The following GRAMD1A variants were observed in gnomAD, a reference collection of about 807,000 sequenced individuals.
GRAMD1A encodes the protein GRAM domain containing 1A.
A neutral mutation model predicts 92.0 loss-of-function variants in GRAMD1A; 50 were observed. The observed-to-expected ratio is 0.54, with a 90% CI of 0.43 to 0.69. The LOEUF (loss-of-function observed/expected upper bound fraction) is 0.69, where lower values mean the gene tolerates loss of function less well. GRAMD1A is among the 30% of genes least tolerant of loss of function. The pLI, the probability that GRAMD1A is intolerant of heterozygous loss-of-function variation, is 0.00. For missense variants in GRAMD1A, 819 were observed against 978.9 expected (o/e 0.84, Z 2.18); for synonymous variants, 405 against 403.6 (o/e 1.00, Z -0.04).
At chr19:35,022,980 C>A in intron 17 of GRAMD1A, 69 bp downstream of exon 17, 1 of 1,240,066 alleles carries the variant, frequency 8.1e-7, no homozygotes, top group South Asian at 1.3e-5. Context: ...CTCTTCTCCC[C>A]ACCCCATGCC....
intron 1 of GRAMD1A, among the ~76,000 whole-genome samples, chr19:35,003,230 C>T (rs984981034): frequency 7.9e-5 from 12 of 151,652 alleles, no homozygotes; most frequent in Non-Finnish European, 1.0e-4. Flanking sequence ...TAGGGAAATG[C>T]AGTTTACCCC....
At chr19:34,995,955 C>A, upstream of GRAMD1A, 4 of 1,349,970 alleles carry the variant, frequency 3.0e-6, no homozygotes, top group South Asian at 2.9e-5. Context: ...GGGGCTTAAG[C>A]GGGAGCTCTA....
rs777878476 is a variant in GRAMD1A, at chr19:35,021,860, C to G, written c.1749C>G (p.Thr583=). 7 of 1,604,170 alleles carry G rather than the reference C, an allele frequency of 4.4e-6. No homozygotes were observed. Among genetic ancestry groups the G allele is most frequent in the Non-Finnish European group, 5.1e-6 (6 of 1,174,448 alleles). Residue 583 remains threonine (T), a synonymous_variant, in exon 15 of 20, where the codon ACC becomes ACG. Transcript: ENST00000317991. The surrounding 1 kb of genome is among the most constrained non-coding windows in gnomAD (Gnocchi z 5.3). ...PDPCARAGIH[T]SGSLSSRFSE... Reference sequence around the variant, plus strand: ...CCTGTGCCCGGGCCGGCATTCACACCTCGGGTACGTTCCGTTGGGGCCGGG... The same window carrying G: ...CCTGTGCCCGGGCCGGCATTCACACGTCGGGTACGTTCCGTTGGGGCCGGG...
At chr19:35,009,021 A>G (rs1453644284) in intron 1 of GRAMD1A, 98 bp from the exon 2 acceptor site, 2 of 784,022 alleles carry the variant, frequency 2.6e-6, no homozygotes, top group African/African-American at 3.4e-5. Context: ...ATGGGTGTGT[A>G]TTCGGGGATC....
At chr19:35,024,731 T>C (rs1309949129) in intron 19 of GRAMD1A, among the ~76,000 whole-genome samples, 3 of 152,002 alleles carry the variant, frequency 2.0e-5, no homozygotes, top group Non-Finnish European at 4.4e-5. Flanking sequence ...GGGGAGGAGA[T>C]GAAGGCTGAG....
At chr19:35,004,689 G>A (rs905738826) in intron 1 of GRAMD1A, among the ~76,000 whole-genome samples, 1 of 152,132 alleles carries the variant, frequency 6.6e-6, no homozygotes, top group Non-Finnish European at 1.5e-5. Flanking sequence ...CTAACATCAG[G>A]CGTAGTGCTT....
At chr19:35,010,023 C>A in intron 4 of GRAMD1A, 51 bp downstream of exon 4, 1 of 1,530,406 alleles carries the variant, frequency 6.5e-7, no homozygotes, top group Non-Finnish European at 9.1e-7. Context: ...TGTGACTCTC[C>A]GCCAGCCCGC....
chr19:35,019,408 C>G lies in GRAMD1A; in HGVS notation c.1350C>G (p.Gly450=). The G allele has an allele frequency of 6.2e-7, 1 of 1,613,722 alleles. No homozygotes were observed. Among genetic ancestry groups the G allele is most frequent in the Non-Finnish European group, 8.5e-7 (1 of 1,179,796 alleles). Residue 450 remains glycine (G), a synonymous_variant, in exon 13 of 20, where the codon GGC becomes GGG. Transcript: ENST00000317991. ...VVETQTLFRR[G]PQAGGCVVDS... ...CCCTGCAGACGCTGTTCCGGCGCGG[C>G]CCCCAGGCCGGCGGGTGTGTGGTGG...
chr19:35,005,961 G>C, intron 1 of GRAMD1A: 1 of 456,276 alleles, frequency 2.2e-6, no homozygotes, highest in Admixed American at 2.3e-5. Context: ...GTTGCCCCAG[G>C]TGGTGGAGGG....
At position 35,010,337 on chromosome 19, in the gene GRAMD1A, G is replaced by A. The variant is rs1390082241; in HGVS notation, c.483G>A (p.Lys161=). The A allele has an allele frequency of 3.7e-6, 6 of 1,613,870 alleles. No individual in the cohort carries two copies. The highest frequency in any genetic ancestry group is 4.2e-6 in the Non-Finnish European group (5 of 1,179,832). ...VTCLKKEKTA[K]LIPNAIQICT... The stretch of plus-strand genomic sequence containing the variant: ...GTCTGAAGAAGGAAAAGACGGCCAA[G>A]CTGATCCCCAACGCCATCCAGATCT... The change falls in exon 6 of 20, where the codon AAG becomes AAA. Residue 161 remains lysine (K), a synonymous_variant. Coordinates refer to ENST00000317991, the MANE Select transcript of GRAMD1A (RefSeq NM_020895.5).
intron 19 of GRAMD1A, 52 bp from the exon 20 acceptor site, chr19:35,025,997 A>AC: frequency 3.3e-6 from 3 of 902,670 alleles, no homozygotes; most frequent in Non-Finnish European, 3.7e-6. Context: ...GGGCGACATC[A>AC]CCCCCCAGCC....
At chr19:35,017,784 C>T (rs2015750422) in intron 11 of GRAMD1A, among the ~76,000 whole-genome samples, 1 of 152,066 alleles carries the variant, frequency 6.6e-6, no homozygotes, top group Non-Finnish European at 1.5e-5. Context: ...ATCCCAGATA[C>T]CCCCAGATAC....
chr19:35,019,359 T>G, intron 12 of GRAMD1A, 32 bp from the exon 13 acceptor site: 1 of 1,612,980 alleles, frequency 6.2e-7, no homozygotes, highest in Non-Finnish European at 8.5e-7. Context: ...GTGAGTGGGG[T>G]GGCCCTGACT....
chr19:35,022,050 ACAGGAG>A lies in GRAMD1A; in HGVS notation c.1841+16_1841+21del. ...CTCATCAGCATTGTGTGAGTAAGAG[ACAGGAG>A]CAGTGGCCACACAGGCCTGAACCTG... On this transcript the variant is annotated intron_variant, in intron 16 of 19. Transcript: ENST00000317991. The A allele has an allele frequency of 6.2e-7, 1 of 1,601,888 alleles. No individual in the cohort carries two copies. Among genetic ancestry groups the A allele is most frequent in the Non-Finnish European group, 8.5e-7 (1 of 1,169,900 alleles).
Position 35,021,470 on chromosome 19 carries a change from C to T in GRAMD1A, c.1476-32C>T, listed in dbSNP as rs2016043110. 7.2e-6 allele frequency: 11 copies of T among 1,533,262 alleles called. No individual in the cohort carries two copies. Among genetic ancestry groups the T allele is most frequent in the Non-Finnish European group, 9.9e-6 (11 of 1,106,516 alleles). The allele number at this position is 1,533,262 out of a possible 1,614,324, so 95.0% of individuals were successfully genotyped here. On this transcript the variant is annotated intron_variant, in intron 13 of 19. Coordinates refer to ENST00000317991, the MANE Select transcript of GRAMD1A (RefSeq NM_020895.5). The surrounding 1 kb of genome is among the most constrained non-coding windows in gnomAD (Gnocchi z 5.3). ...GGGCAGCCAGGGCTGGAGTCAGACCCTTACCTCCTTCCCCTGATCTCCCAA... is the reference window on the plus strand; with the variant it reads ...GGGCAGCCAGGGCTGGAGTCAGACCTTTACCTCCTTCCCCTGATCTCCCAA...
chr19:35,001,427 C>G (rs1224109350), intron 1 of GRAMD1A, among the ~76,000 whole-genome samples: 1 of 152,070 alleles, frequency 6.6e-6, no homozygotes, highest in Non-Finnish European at 1.5e-5. Flanking sequence ...AGCTCTGATC[C>G]TTCTTGGGCT....
chr19:35,016,168 C>T (rs780631339), intron 11 of GRAMD1A, among the ~76,000 whole-genome samples: 1 of 152,170 alleles, frequency 6.6e-6, no homozygotes, highest in Non-Finnish European at 1.5e-5. Context: ...CTCTGTGCCT[C>T]AGTTTCTCCT....
chr19:34,996,099 C>T, upstream of GRAMD1A: 2 of 1,535,942 alleles, frequency 1.3e-6, no homozygotes, highest in Non-Finnish European at 1.7e-6. Context: ...CCTGACCTCC[C>T]AGCAGGGCAG....
At chr19:35,023,880 C>T in intron 19 of GRAMD1A, 1 of 210,292 alleles carries the variant, frequency 4.8e-6, no homozygotes, top group Non-Finnish European at 9.4e-6. Flanking sequence ...TCATTGGAGG[C>T]CACCCTTTTC....
Sources: gnomAD v4.1 joint callset for allele counts (sites outside exome capture counted in the v4.1 genomes callset) on GRCh38, gnomAD v4.1.1 for gene constraint, Gnocchi (gnomAD v3.1) non-coding constraint, MANE v1.5 for transcripts, NCBI Gene and HGNC (gene_info 2026-07-23, HGNC 2026-07-21) for gene names.